FHIP1A: variants seen among roughly 807,000 people sequenced by gnomAD.
FHIP1A encodes the protein FHF complex subunit HOOK interacting protein 1A.
FHIP1A carries 61 observed loss-of-function variants against 88.6 expected under a neutral mutation model. That is an observed-to-expected ratio of 0.69 (90% CI 0.56 to 0.85). The LOEUF is 0.85. FHIP1A is among the 40% of genes least tolerant of loss of function. The probability of loss-of-function intolerance (pLI) is 0.00; values close to 1 mark genes in which losing one functional copy is unlikely to be tolerated. For missense variants in FHIP1A, 1,154 were observed against 1,273.5 expected (o/e 0.91, Z 1.43); for synonymous variants, 478 against 496.0 (o/e 0.96, Z 0.48).
At chr4:151,510,105 ATT>A in intron 3 of FHIP1A, among the ~76,000 whole-genome samples, 1 of 146,806 alleles carries the variant, frequency 6.8e-6, no homozygotes, top group African/African-American at 2.5e-5. Context: ...CCCTGCCAGC[ATT>A]TTTTTTTTCT....
chr4:151,436,382 C>T (rs965726518), intron 1 of FHIP1A: 3 of 152,102 alleles, frequency 2.0e-5, no homozygotes, highest in African/African-American at 7.2e-5. Flanking sequence ...TATTTTTACC[C>T]TGTGGACACT....
intron 7 of FHIP1A, among the ~76,000 whole-genome samples, chr4:151,601,772 T>C (rs1734879010): frequency 6.6e-6 from 1 of 151,692 alleles, no homozygotes; most frequent in South Asian, 2.1e-4. Flanking sequence ...TGTGTGAACT[T>C]GTGCAAAGCT....
intron 1 of FHIP1A, among the ~76,000 whole-genome samples, chr4:151,443,724 T>TGTGTGTGTGTGTGTGTGTGTG: frequency 1.2e-4 from 18 of 148,164 alleles, no homozygotes; most frequent in Non-Finnish European, 2.1e-4. Context: ...TGTGTGTGTG[T>TGTGTGTGTGTGTGTGTGTGTG]TTAGTACTGG....
intron 1 of FHIP1A, among the ~76,000 whole-genome samples, chr4:151,451,664 T>G (rs1360457587): frequency 6.6e-6 from 1 of 152,214 alleles, no homozygotes; most frequent in East Asian, 1.9e-4. Context: ...CACGGTTGAA[T>G]GATTATTTTC....
In FHIP1A at chr4:151,458,771, A is replaced by C. The variant is rs946043062; in HGVS notation, c.-248+3963A>C. ...CTGAATGGGGTTTTAGTCTGGGCGC[A>C]AGGGACTGTCTTTTGTTTGGCTTAT... On this transcript the variant is annotated intron_variant, in intron 2 of 13. Transcript: ENST00000435205. 4.6e-5 allele frequency among the ~76,000 whole-genome samples: 7 copies of C among 152,104 alleles called. No homozygotes were observed. The East Asian group carries it at 7.7e-4, about 17-fold the overall frequency.
In FHIP1A at chr4:151,566,382, C is replaced by T; in HGVS notation, c.105+18C>T. 2.7e-6 allele frequency: 4 copies of T among 1,476,526 alleles called. No homozygotes were observed. Among genetic ancestry groups the T allele is most frequent in the Non-Finnish European group, 3.7e-6 (4 of 1,078,844 alleles). 91.5% of individuals were successfully genotyped at this position (1,476,526 alleles called of 1,614,324 possible). Reference sequence around the variant, plus strand: ...GGGCACAGGTAATGTATGAATTCCACTTTTTTTGCTGGTCTCAGTAACCCC... The same window carrying T: ...GGGCACAGGTAATGTATGAATTCCATTTTTTTTGCTGGTCTCAGTAACCCC... On this transcript the variant is annotated intron_variant, in intron 4 of 13. Coordinates refer to ENST00000435205, the MANE Select transcript of FHIP1A (RefSeq NM_001109977.3).
At chr4:151,550,681 C>T (rs1003661337) in intron 3 of FHIP1A, among the ~76,000 whole-genome samples, 4 of 152,240 alleles carry the variant, frequency 2.6e-5, no homozygotes, top group Admixed American at 2.6e-4. Flanking sequence ...TTTTCCCTCT[C>T]TCTAAGTGTC....
At chr4:151,607,869 ATGACAC>A (rs1234324728) in intron 7 of FHIP1A, among the ~76,000 whole-genome samples, 1 of 152,160 alleles carries the variant, frequency 6.6e-6, no homozygotes, top group East Asian at 1.9e-4. Context: ...CATCCTTCAC[ATGACAC>A]TGTGTGTTAC....
chr4:151,417,175 C>T (rs1005983443), intron 1 of FHIP1A, among the ~76,000 whole-genome samples: 13 of 152,256 alleles, frequency 8.5e-5, no homozygotes, highest in Non-Finnish European at 1.6e-4. Context: ...AGCGAAAGCA[C>T]ACTTCACAGG....
intron 3 of FHIP1A, among the ~76,000 whole-genome samples, chr4:151,501,404 T>G (rs1032223694): frequency 6.6e-6 from 1 of 152,206 alleles, no homozygotes; most frequent in Admixed American, 6.5e-5. Flanking sequence ...GAAACACCGA[T>G]GTACAAGTGT....
intron 3 of FHIP1A, among the ~76,000 whole-genome samples, chr4:151,515,176 A>G (rs368222148): frequency 2.0e-5 from 3 of 151,994 alleles, no homozygotes; most frequent in African/African-American, 4.8e-5. Context: ...ATGTAATCCA[A>G]CATATAAACA....
chr4:151,543,828 A>G (rs1363695336), intron 3 of FHIP1A, among the ~76,000 whole-genome samples: 2 of 152,210 alleles, frequency 1.3e-5, no homozygotes, highest in African/African-American at 4.8e-5. Context: ...AAACATTTCT[A>G]CAATTAAATG....
At chr4:151,487,777 G>A (rs1385790569) in intron 3 of FHIP1A, among the ~76,000 whole-genome samples, 1 of 152,168 alleles carries the variant, frequency 6.6e-6, no homozygotes, top group Non-Finnish European at 1.5e-5. Context: ...GAACCACATA[G>A]AGTTTAAGAA....
intron 3 of FHIP1A, among the ~76,000 whole-genome samples, chr4:151,537,106 G>A (rs1027161153): frequency 2.6e-5 from 4 of 151,966 alleles, no homozygotes; most frequent in African/African-American, 4.8e-5. Flanking sequence ...TTGAACTCCT[G>A]GGCTTATGTG....
intron 3 of FHIP1A, among the ~76,000 whole-genome samples, chr4:151,536,492 C>T (rs912331568): frequency 6.6e-6 from 1 of 152,138 alleles, no homozygotes; most frequent in Non-Finnish European, 1.5e-5. Flanking sequence ...CCCTAGCAAC[C>T]ACAAATCTAT....
chr4:151,429,231 C>A (rs1733499067), intron 1 of FHIP1A, among the ~76,000 whole-genome samples: 1 of 152,204 alleles, frequency 6.6e-6, no homozygotes, highest in South Asian at 2.1e-4. Flanking sequence ...GCAGGCAGTT[C>A]GCCTGTTTTT....
intron 3 of FHIP1A, among the ~76,000 whole-genome samples, chr4:151,490,513 T>G (rs185770437): frequency 2.0e-5 from 3 of 152,234 alleles, no homozygotes; most frequent in African/African-American, 7.2e-5. Flanking sequence ...GAACAGCAGC[T>G]CTTGAGTTCC....
Position 151,471,492 on chromosome 4 carries a change from A to T in FHIP1A, c.-247-11032A>T, listed in dbSNP as rs1223522837. Among the ~76,000 whole-genome samples the T allele has an allele frequency of 2.0e-5, 3 of 152,206 alleles. No homozygotes were observed. In the East Asian group the frequency reaches 5.8e-4, roughly 29 times the overall value. ...TAGAAGCCATAACTTCTAAAAGAAAATTTATATTCTAATTTTTATTTGTTG... is the reference window on the plus strand; with the variant it reads ...TAGAAGCCATAACTTCTAAAAGAAATTTTATATTCTAATTTTTATTTGTTG... On this transcript the variant is annotated intron_variant, in intron 2 of 13. Coordinates refer to ENST00000435205, the MANE Select transcript of FHIP1A (RefSeq NM_001109977.3).
chr4:151,519,453 G>A (rs984415065), intron 3 of FHIP1A, among the ~76,000 whole-genome samples: 7 of 151,736 alleles, frequency 4.6e-5, no homozygotes, highest in Non-Finnish European at 8.8e-5. Flanking sequence ...TTCATTGTAT[G>A]AATCACAGTT....
Sources: gnomAD v4.1 joint callset for allele counts (sites outside exome capture counted in the v4.1 genomes callset) on GRCh38, gnomAD v4.1.1 for gene constraint, MANE v1.5 for transcripts, NCBI Gene and HGNC (gene_info 2026-07-23, HGNC 2026-07-21) for gene names.